PIP5K1B: variants seen among roughly 807,000 people sequenced by gnomAD.
The protein encoded by PIP5K1B is phosphatidylinositol-4-phosphate 5-kinase type 1 beta.
In PIP5K1B, 42 loss-of-function variants were observed where a neutral mutation model predicts 67.0. That is an observed-to-expected ratio of 0.63 (90% confidence interval 0.49 to 0.81). PIP5K1B has a LOEUF of 0.81. Among genes scored for constraint, PIP5K1B ranks in the 30% least tolerant of loss-of-function variants. PIP5K1B has a pLI of 0.00. For synonymous variants in PIP5K1B, 214 were observed against 231.4 expected (o/e 0.92, Z 0.68); for missense variants, 459 against 646.3 (o/e 0.71, Z 3.14).
chr9:68,856,228 ATTTGC>A (rs1822774346), intron 4 of PIP5K1B, among the ~76,000 whole-genome samples: 1 of 152,106 alleles, frequency 6.6e-6, no homozygotes, highest in Non-Finnish European at 1.5e-5. Flanking sequence ...AACTCATATG[ATTTGC>A]TTTCAGGTCC....
intron 8 of PIP5K1B, among the ~76,000 whole-genome samples, chr9:68,913,074 C>A (rs548935520): frequency 4.6e-4 from 70 of 152,262 alleles, no homozygotes; most frequent in African/African-American, 1.6e-3. Context: ...TTACTACATT[C>A]CAATGTTGTT....
intron 2 of PIP5K1B, among the ~76,000 whole-genome samples, chr9:68,787,478 A>C (rs1243808147): frequency 6.6e-6 from 1 of 152,066 alleles, no homozygotes; most frequent in Non-Finnish European, 1.5e-5. Flanking sequence ...CTTAATACAG[A>C]ATTTATTTAC....
At chr9:68,943,430 A>G (rs544273414) in intron 14 of PIP5K1B, among the ~76,000 whole-genome samples, 2 of 152,336 alleles carry the variant, frequency 1.3e-5, no homozygotes, top group South Asian at 4.1e-4. Flanking sequence ...CCAGGAGTCA[A>G]TATCCCTATT....
At chr9:68,724,798 A>T (rs1215064094) in intron 1 of PIP5K1B, among the ~76,000 whole-genome samples, 1 of 152,190 alleles carries the variant, frequency 6.6e-6, no homozygotes, top group Non-Finnish European at 1.5e-5. Context: ...GAAAGTGGGT[A>T]TGCTTGTCTT....
intron 4 of PIP5K1B, among the ~76,000 whole-genome samples, chr9:68,844,545 G>C (rs928951877): frequency 1.3e-5 from 2 of 152,058 alleles, no homozygotes; most frequent in African/African-American, 2.4e-5. Flanking sequence ...TCACCTGACA[G>C]CCCAGAAAGA....
chr9:68,840,205 C>A (rs11143977), intron 4 of PIP5K1B, among the ~76,000 whole-genome samples: 1 of 151,946 alleles, frequency 6.6e-6, no homozygotes, highest in African/African-American at 2.4e-5. Flanking sequence ...GGTGAAACCC[C>A]GTCTCTACTA....
intron 1 of PIP5K1B, among the ~76,000 whole-genome samples, chr9:68,721,274 G>A (rs571776925): frequency 6.6e-6 from 1 of 152,328 alleles, no homozygotes; most frequent in South Asian, 2.1e-4. Context: ...AAGGGTAAGA[G>A]ACTGGAGATA....
At chr9:68,748,063 C>T (rs529618881) in intron 2 of PIP5K1B, among the ~76,000 whole-genome samples, 1 of 152,248 alleles carries the variant, frequency 6.6e-6, no homozygotes, top group Admixed American at 6.5e-5. Context: ...CCCTGTAGCC[C>T]GAGGTAACCC....
At chr9:68,883,647 G>A (rs1178991331) in intron 6 of PIP5K1B, among the ~76,000 whole-genome samples, 1 of 151,914 alleles carries the variant, frequency 6.6e-6, no homozygotes, top group Non-Finnish European at 1.5e-5. Context: ...CTATGATAGG[G>A]ACTTAAATAT....
intron 2 of PIP5K1B, among the ~76,000 whole-genome samples, chr9:68,752,501 T>G (rs149496868): frequency 1.8e-4 from 27 of 152,266 alleles, no homozygotes; most frequent in African/African-American, 5.1e-4. Flanking sequence ...TTTTTTTTCT[T>G]CCTTTCTTTT....
chr9:68,943,954 C>G (rs1827682685), intron 14 of PIP5K1B, among the ~76,000 whole-genome samples: 1 of 151,954 alleles, frequency 6.6e-6, no homozygotes, highest in Non-Finnish European at 1.5e-5. Context: ...AGAATTATTC[C>G]TTTTTTTAAA....
intron 1 of PIP5K1B, among the ~76,000 whole-genome samples, chr9:68,714,984 C>T (rs1411262105): frequency 6.6e-6 from 1 of 152,310 alleles, no homozygotes; most frequent in East Asian, 1.9e-4. Context: ...TTTGTGGCCA[C>T]CATAGCAGAG....
At chr9:68,861,808 G>A (rs1823088575) in intron 4 of PIP5K1B, among the ~76,000 whole-genome samples, 1 of 152,050 alleles carries the variant, frequency 6.6e-6, no homozygotes. Context: ...CAGAGCTACT[G>A]GTACAAAAGG....
chr9:68,827,428 T>C (rs1834044535), intron 4 of PIP5K1B, among the ~76,000 whole-genome samples: 1 of 152,244 alleles, frequency 6.6e-6, no homozygotes, highest in African/African-American at 2.4e-5. Context: ...GTCTGAGAAC[T>C]GTAATTTTTA....
At chr9:68,842,138 G>T (rs996911820) in intron 4 of PIP5K1B, among the ~76,000 whole-genome samples, 7 of 152,188 alleles carry the variant, frequency 4.6e-5, no homozygotes, top group Non-Finnish European at 1.0e-4. Context: ...CTCATGCTTG[G>T]ATGGCTAATA....
chr9:68,845,185 C>T (rs959021549), intron 4 of PIP5K1B, among the ~76,000 whole-genome samples: 14 of 152,166 alleles, frequency 9.2e-5, no homozygotes, highest in Admixed American at 8.5e-4. Flanking sequence ...CTCACAGCCC[C>T]CTGGTGGCAG....
intron 14 of PIP5K1B, among the ~76,000 whole-genome samples, chr9:68,975,113 G>A (rs1829571544): frequency 6.6e-6 from 1 of 152,228 alleles, no homozygotes; most frequent in Non-Finnish European, 1.5e-5. Flanking sequence ...GTGTCACCCA[G>A]GCTGGAGTGC....
chr9:68,732,488 G>A (rs1276470845), intron 1 of PIP5K1B, among the ~76,000 whole-genome samples: 1 of 152,154 alleles, frequency 6.6e-6, no homozygotes, highest in Non-Finnish European at 1.5e-5. Context: ...CCCGGTGTTA[G>A]GGATCAACCA....
At chr9:68,951,119 T>C (rs11144471) in intron 14 of PIP5K1B, among the ~76,000 whole-genome samples, 18,025 of 152,238 alleles carry the variant, frequency 0.12, 1,283 homozygotes, top group East Asian at 0.26. Context: ...AATGGAATCA[T>C]TTAATAACCT....
Sources: gnomAD v4.1 joint callset for allele counts (sites outside exome capture counted in the v4.1 genomes callset) on GRCh38, gnomAD v4.1.1 for gene constraint, MANE v1.5 for transcripts, NCBI Gene and HGNC (gene_info 2026-07-23, HGNC 2026-07-21) for gene names.